RUBCN: variants seen among roughly 807,000 people sequenced by gnomAD.
The protein encoded by RUBCN is rubicon autophagy regulator, also known as run domain Beclin-1-interacting and cysteine-rich domain-containing protein.
In RUBCN, 74 loss-of-function variants were observed where a neutral mutation model predicts 113.2. The observed-to-expected ratio is 0.65, with a 90% CI of 0.54 to 0.79. RUBCN has a LOEUF of 0.79. RUBCN is among the 30% of genes least tolerant of loss of function. The pLI, the probability that RUBCN is intolerant of heterozygous loss-of-function variation, is 0.00. For synonymous variants in RUBCN, 480 were observed against 490.0 expected (o/e 0.98, Z 0.27); for missense variants, 1,109 against 1,251.7 (o/e 0.89, Z 1.72).
chr3:197,675,299 G>T lies in RUBCN; in HGVS notation c.2741-103C>A. On this transcript the variant is annotated intron_variant, in intron 19 of 19. Coordinates refer to ENST00000296343, the MANE Select transcript of RUBCN (RefSeq NM_014687.4). This position sits in a 1 kb window ranked among gnomAD's most constrained non-coding sequence, Gnocchi z 4.4. ...CCCCTTCTCGCCACCAAGGCGTGGT[G>T]TCCCCTGGGGAGGCCCCGCGAGGTG... 6.5e-7 allele frequency: 1 copy of T among 1,530,028 alleles called. No homozygotes were observed. The highest frequency in any genetic ancestry group is 9.0e-7 in the Non-Finnish European group (1 of 1,105,106). The allele number at this position is 1,530,028 out of a possible 1,614,324, so 94.8% of individuals were successfully genotyped here.
intron 1 of RUBCN, among the ~76,000 whole-genome samples, chr3:197,735,626 C>T (rs539311345): frequency 6.6e-6 from 1 of 152,186 alleles, no homozygotes. Context: ...GGGTCTTCCT[C>T]TGTCACCCAG....
At chr3:197,745,775 A>G (rs1040959787) in intron 1 of RUBCN, among the ~76,000 whole-genome samples, 2 of 151,968 alleles carry the variant, frequency 1.3e-5, no homozygotes, top group African/African-American at 4.8e-5. Flanking sequence ...GGTGGCTCAC[A>G]CCTGTAATGC....
At chr3:197,745,854 T>C (rs1216954387) in intron 1 of RUBCN, among the ~76,000 whole-genome samples, 1 of 152,118 alleles carries the variant, frequency 6.6e-6, no homozygotes, top group Non-Finnish European at 1.5e-5. Flanking sequence ...CTGGCCAACA[T>C]AGTGAAATGC....
rs141709592 is a variant in RUBCN, at chr3:197,671,599, A to G, written c.*3419T>C. ...CGGAATTTATGCTGGTTTTAGACAC[A>G]CTGGTTGGAGATGACAAGGGGACAT... On this transcript the variant is annotated 3_prime_UTR_variant, in exon 20 of 20. Coordinates refer to ENST00000296343, the MANE Select transcript of RUBCN (RefSeq NM_014687.4). 6.6e-6 allele frequency: 1 copy of G among 152,300 alleles called. No homozygotes were observed. Among genetic ancestry groups the G allele is most frequent in the East Asian group, 1.9e-4 (1 of 5,190 alleles). The allele number at this position is 152,300 out of a possible 1,614,324, so 9.4% of individuals were successfully genotyped here. A position where few individuals can be genotyped will look rare whatever the true frequency, so the allele number is the denominator to read the frequency against.
In RUBCN at chr3:197,673,180, T is replaced by C. The variant is rs1338084622; in HGVS notation, c.*1838A>G. 6.6e-6 allele frequency: 1 copy of C among 152,254 alleles called. No individual in the cohort carries two copies. The highest frequency in any genetic ancestry group is 1.5e-5 in the Non-Finnish European group (1 of 68,062). 9.4% of individuals were successfully genotyped at this position (152,254 alleles called of 1,614,324 possible). A position where few individuals can be genotyped will look rare whatever the true frequency, so the allele number is the denominator to read the frequency against. On this transcript the variant is annotated 3_prime_UTR_variant, in exon 20 of 20. Coordinates refer to ENST00000296343, the MANE Select transcript of RUBCN (RefSeq NM_014687.4). ...GGACTTGGCTTTTTGAGTCTCACTATGAACAGAAGGGAGAACAGCCTCAGG... is the reference window on the plus strand; with the variant it reads ...GGACTTGGCTTTTTGAGTCTCACTACGAACAGAAGGGAGAACAGCCTCAGG...
upstream of RUBCN, among the ~76,000 whole-genome samples, chr3:197,741,841 A>C (rs929539109): frequency 3.3e-5 from 5 of 152,048 alleles, no homozygotes; most frequent in Non-Finnish European, 7.4e-5. Flanking sequence ...AAAAAAAAAA[A>C]ACCCCAAAAA....
At chr3:197,676,661 G>A in intron 18 of RUBCN, 1 of 1,413,740 alleles carries the variant, frequency 7.1e-7, no homozygotes, top group Non-Finnish European at 9.2e-7. Context: ...AGCTACCCAG[G>A]ACCACAGCCA....
At chr3:197,696,372 CA>C (rs990625896) in intron 8 of RUBCN, among the ~76,000 whole-genome samples, 67 of 123,676 alleles carry the variant, frequency 5.4e-4, no homozygotes, top group Middle Eastern at 4.3e-3. Flanking sequence ...AACTCTGTCT[CA>C]AAAAAAAAAA....
chr3:197,727,141 T>C (rs954319637), intron 1 of RUBCN, among the ~76,000 whole-genome samples: 1 of 152,064 alleles, frequency 6.6e-6, no homozygotes, highest in African/African-American at 2.4e-5. Flanking sequence ...GGTTTCACCA[T>C]GTTGGCCAGG....
At chr3:197,739,002 T>C (rs887582157), upstream of RUBCN, among the ~76,000 whole-genome samples, 1 of 151,852 alleles carries the variant, frequency 6.6e-6, no homozygotes, top group African/African-American at 2.4e-5. Flanking sequence ...GTTTCACTCT[T>C]GTTGGCTAGA....
rs1723539699 is a variant in RUBCN, at chr3:197,700,642, T to C, written c.1232A>G (p.Asp411Gly). The C allele has an allele frequency of 4.3e-6, 7 of 1,614,018 alleles. No homozygotes were observed. The highest frequency in any genetic ancestry group is 2.2e-5 in the East Asian group (1 of 44,896). Residue 411 changes from aspartate (D) to glycine (G), a missense_variant, in exon 7 of 20, where the codon GAT becomes GGT. This residue lies in a region of RUBCN where 736 missense variants were observed against 779.6 expected (regional missense o/e 0.94). Transcript: ENST00000296343. ...AKKSHIRSHS[D>G]TSIASRGAPE... ...AGCTCCCCTGGAGGCAATGCTGGTA[T>C]CCGAATGGGAGCGAATGTGGCTTTT... is the stretch of plus-strand genomic sequence containing the variant.
chr3:197,686,317 G>A (rs1343688523), intron 11 of RUBCN, among the ~76,000 whole-genome samples: 1 of 151,980 alleles, frequency 6.6e-6, no homozygotes, highest in Admixed American at 6.6e-5. Flanking sequence ...ACACTGTAAC[G>A]TGTTTCTTCC....
At position 197,693,764 on chromosome 3, in the gene RUBCN, C is replaced by G. The variant is rs761185816; in HGVS notation, c.1737G>C (p.Gln579His). Residue 579 changes from glutamine (Q) to histidine (H), a missense_variant, in exon 11 of 20, where the codon CAG becomes CAC. Around this residue, in one of 3 missense-constraint regions of RUBCN, gnomAD observed 736 missense variants for 779.6 expected, o/e 0.94. Coordinates refer to ENST00000296343, the MANE Select transcript of RUBCN (RefSeq NM_014687.4). ...SSQFSSRDSA[Q>H]LSDSGSADEV... ...CATCAGCAGAGCCAGAGTCAGAGAG[C>G]TGTGCCGAATCACGTGAGCTGAACT... The G allele has an allele frequency of 6.2e-7, 1 of 1,614,126 alleles. No individual in the cohort carries two copies. The highest frequency in any genetic ancestry group is 8.5e-7 in the Non-Finnish European group (1 of 1,179,960).
chr3:197,692,775 C>T (rs1012831132), intron 11 of RUBCN, among the ~76,000 whole-genome samples: 1 of 152,110 alleles, frequency 6.6e-6, no homozygotes, highest in African/African-American at 2.4e-5. Context: ...TGTGAAAAAA[C>T]GGAGTTTCTG....
intron 1 of RUBCN, among the ~76,000 whole-genome samples, chr3:197,744,008 T>A (rs916184929): frequency 6.6e-6 from 1 of 151,458 alleles, no homozygotes; most frequent in African/African-American, 2.4e-5. Context: ...AAAAAATAAC[T>A]AATATTAGCT....
At chr3:197,725,661 C>T (rs931591686) in intron 1 of RUBCN, among the ~76,000 whole-genome samples, 5 of 151,578 alleles carry the variant, frequency 3.3e-5, no homozygotes, top group Admixed American at 2.6e-4. Flanking sequence ...CTGCACGCAG[C>T]CAAAGGAGAA....
chr3:197,709,524 G>A (rs1274226455), intron 2 of RUBCN, among the ~76,000 whole-genome samples: 2 of 152,140 alleles, frequency 1.3e-5, no homozygotes, highest in Non-Finnish European at 2.9e-5. Flanking sequence ...GGGATTACAG[G>A]CTTGCGCCAC....
chr3:197,700,390 G>A (rs1007901702), intron 7 of RUBCN: 2 of 591,454 alleles, frequency 3.4e-6, no homozygotes, highest in Admixed American at 3.1e-5. Flanking sequence ...AAGAATCCAG[G>A]AAAACATTTA....
chr3:197,677,556 A>T lies in RUBCN; in HGVS notation c.2431-15T>A, dbSNP rs1560399436. The T allele has an allele frequency of 1.9e-6, 3 of 1,613,124 alleles. No homozygotes were observed. The Admixed American group carries it at 5.0e-5, about 27-fold the overall frequency. On this transcript the variant is annotated splice_polypyrimidine_tract_variant and intron_variant, in intron 16 of 19. Transcript: ENST00000296343. ...ACCCGCAGCAGCTGAAAAGAAAGAGAGGGGGGCAGGAGTGGGAGGGAGATG... is the reference window on the plus strand; with the variant it reads ...ACCCGCAGCAGCTGAAAAGAAAGAGTGGGGGGCAGGAGTGGGAGGGAGATG...
Sources: gnomAD v4.1 joint callset for allele counts (sites outside exome capture counted in the v4.1 genomes callset) on GRCh38, gnomAD v4.1.1 for gene constraint, gnomAD v4.1.1 regional missense constraint, Gnocchi (gnomAD v3.1) non-coding constraint, MANE v1.5 for transcripts, NCBI Gene and HGNC (gene_info 2026-07-23, HGNC 2026-07-21) for gene names.